SMAP1: variants seen among roughly 807,000 people sequenced by gnomAD.
The protein encoded by SMAP1 is small ArfGAP 1.
A neutral mutation model predicts 58.5 loss-of-function variants in SMAP1; 24 were observed. The observed-to-expected ratio is 0.41, with a 90% CI of 0.30 to 0.58. SMAP1 has a LOEUF of 0.58. Ranked by LOEUF, SMAP1 falls within the 20% of genes least tolerant of loss-of-function variation. The pLI is 0.29. For missense variants in SMAP1, 563 were observed against 566.3 expected, an observed-to-expected ratio of 0.99 and a Z score of 0.06; for synonymous variants, 216 against 196.6, an observed-to-expected ratio of 1.10 and a Z score of -0.82.
intron 3 of SMAP1, among the ~76,000 whole-genome samples, chr6:70,758,345 G>T (rs1428709239): frequency 1.5e-5 from 2 of 135,802 alleles, no homozygotes; most frequent in African/African-American, 2.8e-5. Flanking sequence ...ACAGGAAGGG[G>T]AATATCACAC....
intron 1 of SMAP1, among the ~76,000 whole-genome samples, chr6:70,713,497 T>C (rs1049840071): frequency 2.0e-5 from 3 of 152,224 alleles, no homozygotes; most frequent in African/African-American, 7.2e-5. Flanking sequence ...AAATTCTCTT[T>C]TGACTTACTG....
rs552106973 is a variant in SMAP1, at chr6:70,802,189, A to C, written c.576+3452A>C. Among the ~76,000 whole-genome samples the C allele has an allele frequency of 7.9e-5, 12 of 152,162 alleles. No homozygotes were observed. The South Asian group carries it at 2.5e-3, about 32-fold the overall frequency. On this transcript the variant is annotated intron_variant, in intron 6 of 10. Transcript: ENST00000370455. ...ATTTGTTTGTGTCCTCTTTTATTTC[A>C]TTGAGCAGTGGTTTGTAGTTCTCCT... is the stretch of plus-strand genomic sequence containing the variant.
chr6:70,670,231 A>G (rs781985), intron 1 of SMAP1, among the ~76,000 whole-genome samples: 69,819 of 151,978 alleles, frequency 0.46, 16,337 homozygotes, highest in South Asian at 0.5. Context: ...CTTGAAGGGC[A>G]TGAACTCCAC....
chr6:70,802,961 A>C (rs188628718), intron 6 of SMAP1, among the ~76,000 whole-genome samples: 35 of 152,258 alleles, frequency 2.3e-4, no homozygotes, highest in Admixed American at 2.2e-3. Context: ...ATTGGTCTAA[A>C]ATTCTCTTTT....
At chr6:70,740,162 T>A (rs1477167005) in intron 2 of SMAP1, among the ~76,000 whole-genome samples, 3 of 152,214 alleles carry the variant, frequency 2.0e-5, no homozygotes, top group African/African-American at 7.2e-5. Flanking sequence ...TGATCATTTT[T>A]ATGCAATATT....
chr6:70,773,909 A>T (rs1371205199), intron 4 of SMAP1, among the ~76,000 whole-genome samples: 2 of 152,220 alleles, frequency 1.3e-5, no homozygotes, highest in African/African-American at 2.4e-5. Context: ...GTAGTAATCA[A>T]ATACCATCAG....
chr6:70,684,996 C>T (rs916039659), intron 1 of SMAP1, among the ~76,000 whole-genome samples: 1 of 152,106 alleles, frequency 6.6e-6, no homozygotes, highest in African/African-American at 2.4e-5. Context: ...TTTATGAGCT[C>T]CAGTGTCATT....
intron 6 of SMAP1, among the ~76,000 whole-genome samples, chr6:70,828,031 T>G (rs1324143317): frequency 6.6e-6 from 1 of 152,186 alleles, no homozygotes; most frequent in African/African-American, 2.4e-5. Context: ...ACAAGAATTA[T>G]ATGCAAAATT....
At position 70,852,624 on chromosome 6, in the gene SMAP1, T is replaced by C. The variant is rs1404144407; in HGVS notation, c.749T>C (p.Ile250Thr). 6.2e-7 allele frequency: 1 copy of C among 1,609,824 alleles called. No individual in the cohort carries two copies. The highest frequency in any genetic ancestry group is 1.3e-5 in the African/African-American group (1 of 74,810). Residue 250 changes from isoleucine to threonine, a missense_variant, in exon 8 of 11, where the codon ATT becomes ACT. Coordinates refer to ENST00000370455, the MANE Select transcript of SMAP1 (RefSeq NM_001044305.3). The stretch of plus-strand genomic sequence containing the variant: ...GATCTGGACATCTTTGGACCGATGA[T>C]TTCTAATCCCTTACCTGCAACTGTC... ...NDDLDIFGPM[I>T]SNPLPATVMP...
At chr6:70,783,007 T>C (rs1340949664) in intron 4 of SMAP1, among the ~76,000 whole-genome samples, 1 of 152,138 alleles carries the variant, frequency 6.6e-6, no homozygotes, top group Non-Finnish European at 1.5e-5. Context: ...TCCCTGACCC[T>C]CGAGCAGCCT....
intron 2 of SMAP1, among the ~76,000 whole-genome samples, chr6:70,733,403 A>G (rs1765502686): frequency 1.3e-5 from 2 of 152,200 alleles, no homozygotes; most frequent in South Asian, 2.1e-4. Flanking sequence ...GGGAAATGCA[A>G]TCTTTTATGT....
At chr6:70,778,489 T>C (rs536813197) in intron 4 of SMAP1, among the ~76,000 whole-genome samples, 3 of 152,274 alleles carry the variant, frequency 2.0e-5, no homozygotes, top group African/African-American at 4.8e-5. Context: ...TCTTTCATTC[T>C]GTTGATGTGA....
intron 4 of SMAP1, among the ~76,000 whole-genome samples, chr6:70,783,959 A>G (rs1006009497): frequency 6.6e-6 from 1 of 152,212 alleles, no homozygotes; most frequent in Non-Finnish European, 1.5e-5. Context: ...GAACGCCACA[A>G]AGATACTCCT....
At chr6:70,672,619 A>T (rs1167831770) in intron 1 of SMAP1, among the ~76,000 whole-genome samples, 1 of 152,208 alleles carries the variant, frequency 6.6e-6, no homozygotes, top group African/African-American at 2.4e-5. Context: ...TTAGGGTAGT[A>T]TCCCCAGTTT....
chr6:70,818,500 C>T (rs527555205), intron 6 of SMAP1, among the ~76,000 whole-genome samples: 171 of 152,168 alleles, frequency 1.1e-3, no homozygotes, highest in Non-Finnish European at 6.0e-4. Context: ...AAGGTTATAA[C>T]GGGGAATTCT....
chr6:70,855,865 A>G (rs923397560), intron 8 of SMAP1, among the ~76,000 whole-genome samples: 7 of 152,214 alleles, frequency 4.6e-5, no homozygotes, highest in Admixed American at 4.6e-4. Context: ...TTTCTTACAT[A>G]TTTGAATTTT....
intron 6 of SMAP1, among the ~76,000 whole-genome samples, chr6:70,821,197 T>C (rs755736217): frequency 3.3e-5 from 5 of 152,238 alleles, no homozygotes; most frequent in Admixed American, 6.5e-5. Flanking sequence ...TTGAGTTTCA[T>C]GTAAATGTAA....
chr6:70,685,047 A>C (rs1319447266), intron 1 of SMAP1, among the ~76,000 whole-genome samples: 3 of 152,118 alleles, frequency 2.0e-5, no homozygotes, highest in Non-Finnish European at 4.4e-5. Context: ...GGTTGTGAGG[A>C]TTAACTGAGC....
chr6:70,790,717 G>A (rs1314343610), intron 4 of SMAP1, among the ~76,000 whole-genome samples: 1 of 152,108 alleles, frequency 6.6e-6, no homozygotes, highest in Non-Finnish European at 1.5e-5. Context: ...AGCAGATTGA[G>A]GGAGGACTTG....
Sources: allele counts gnomAD v4.1 joint callset (sites outside exome capture counted in the v4.1 genomes callset), GRCh38; gene constraint gnomAD v4.1.1; transcripts MANE v1.5; gene names NCBI Gene and HGNC (gene_info 2026-07-23, HGNC 2026-07-21).